The following ASTL variants were observed in gnomAD, a reference collection of about 807,000 sequenced individuals.
ASTL encodes the protein astacin like metalloendopeptidase.
ASTL carries 27 observed loss-of-function variants against 36.7 expected under a neutral mutation model. The observed-to-expected ratio is 0.73, with a 90% CI of 0.54 to 1.01. The LOEUF (loss-of-function observed/expected upper bound fraction) is 1.01. Among genes scored for constraint, ASTL ranks in the 50% least tolerant of loss-of-function variants. ASTL has a pLI of 0.00. For missense variants in ASTL, 524 were observed against 572.8 expected (o/e 0.91, Z 0.87); for synonymous variants, 222 against 228.1 (o/e 0.97, Z 0.24).
intron 2 of ASTL, among the ~76,000 whole-genome samples, chr2:96,135,840 C>G (rs1342037980): frequency 6.6e-6 from 1 of 152,168 alleles, no homozygotes; most frequent in Non-Finnish European, 1.5e-5. Context: ...CAGCCCATGA[C>G]CCACGCAATC....
chr2:96,130,017 C>T (rs372811446), intron 7 of ASTL, 39 bp from the exon 8 acceptor site: 347 of 1,613,102 alleles, frequency 2.2e-4, no homozygotes, highest in Non-Finnish European at 2.8e-4. Flanking sequence ...CAGATCACCA[C>T]GGGAGAGGCT....
chr2:96,126,358 C>T (rs1304989843), intron 8 of ASTL, among the ~76,000 whole-genome samples: 1 of 152,204 alleles, frequency 6.6e-6, no homozygotes, highest in Non-Finnish European at 1.5e-5. Context: ...AGGATATGAA[C>T]ATTCTCCAAA....
Position 96,127,839 on chromosome 2 carries a change from G to A in ASTL, c.874+1985C>T, listed in dbSNP as rs141539731. On this transcript the variant is annotated intron_variant, in intron 8 of 8. Coordinates refer to ENST00000342380, the MANE Select transcript of ASTL (RefSeq NM_001002036.4). ...GATCCACCCACCTCAGCCTCCCAAA[G>A]TGCTGTGATTACAGGCATGAGCCAT... Among the ~76,000 whole-genome samples the A allele has an allele frequency of 9.4e-3, 1,425 of 152,212 alleles. 11 individuals are homozygous for A. Among genetic ancestry groups the A allele is most frequent in the Admixed American group, 0.019 (285 of 15,292 alleles).
intron 2 of ASTL, among the ~76,000 whole-genome samples, chr2:96,136,136 G>GAGGGAAGCAGGAGAGAAGGC (rs1427630931): frequency 6.6e-6 from 1 of 152,234 alleles, no homozygotes; most frequent in Non-Finnish European, 1.5e-5. Context: ...CAGGGGGAGT[G>GAGGGAAGCAGGAGAGAAGGC]AGGGAAGCAG....
rs1212294655 is a variant in ASTL, at chr2:96,130,103, A to G, written c.680T>C (p.Leu227Pro). 6.2e-7 allele frequency: 1 copy of G among 1,614,094 alleles called. No homozygotes were observed. The highest frequency in any genetic ancestry group is 8.5e-7 in the Non-Finnish European group (1 of 1,180,014). ...NFIKSQSSNM[L>P]TPYDYSSVMH... is the part of the protein sequence containing the mutation. ...CACAGAGGAGTAGTCATAGGGCGTCAGCATGTTGCTGCTCTGAGACTTGAT... is the reference window on the plus strand; with the variant it reads ...CACAGAGGAGTAGTCATAGGGCGTCGGCATGTTGCTGCTCTGAGACTTGAT... The change falls in exon 7 of 9, where the codon CTG becomes CCG. Residue 227 changes from leucine (L) to proline (P), a missense_variant. By Grantham distance (98) the Leu-to-Pro change is moderately conservative. Transcript: ENST00000342380.
Position 96,130,135 on chromosome 2 carries a change from G to T in ASTL, c.648C>A (p.Ile216=). The T allele has an allele frequency of 6.2e-7, 1 of 1,613,198 alleles. No homozygotes were observed. Among genetic ancestry groups the T allele is most frequent in the African/African-American group, 1.3e-5 (1 of 75,014 alleles). ...TGCTGCTCTGAGACTTGATGAAGTT[G>T]ATTTCAAAGCCTAAAAATACAAAAA... The part of the protein sequence containing the change: ...NWNEILPGFE[I]NFIKSQSSNM... Residue 216 remains isoleucine (I), a synonymous_variant, in exon 7 of 9, where the codon ATC becomes ATA. Coordinates refer to ENST00000342380, the MANE Select transcript of ASTL (RefSeq NM_001002036.4).
intron 3 of ASTL, 68 bp from the exon 4 acceptor site, chr2:96,134,126 C>A: frequency 1.9e-6 from 2 of 1,063,810 alleles, no homozygotes; most frequent in South Asian, 1.3e-5. Flanking sequence ...CCAAGGGTAC[C>A]ACACCCCAGG....
In ASTL at chr2:96,132,573, A is replaced by AGCG; in HGVS notation, c.601_603dup (p.Arg201dup). ...ATCTCGTTCCAGTTGACACGGATAT[A>AGCG]GCGGTCCCGGTCGGCCCGCGTGTGC... On this transcript the variant is annotated inframe_insertion, in exon 6 of 9. Coordinates refer to ENST00000342380, the MANE Select transcript of ASTL (RefSeq NM_001002036.4). The surrounding 1 kb of genome is among the most constrained non-coding windows in gnomAD (Gnocchi z 5.4). 3.1e-6 allele frequency: 5 copies of AGCG among 1,610,420 alleles called. No individual in the cohort carries two copies. Among genetic ancestry groups the AGCG allele is most frequent in the Non-Finnish European group, 3.4e-6 (4 of 1,177,356 alleles).
In ASTL at chr2:96,132,430, C is replaced by A; in HGVS notation, c.637+110G>T. On this transcript the variant is annotated intron_variant, in intron 6 of 8. Transcript: ENST00000342380. This position sits in a 1 kb window ranked among gnomAD's most constrained non-coding sequence, Gnocchi z 5.4. ...CCCCACCTTCCCCACAGGAAGCAGG[C>A]AGGTGATGGGGAGGATGGATAGCCT... 1 of 959,212 alleles carries A rather than the reference C, an allele frequency of 1.0e-6. No individual in the cohort carries two copies. The highest frequency in any genetic ancestry group is 1.5e-6 in the Non-Finnish European group (1 of 660,034). 59.4% of individuals were successfully genotyped at this position (959,212 alleles called of 1,614,324 possible).
chr2:96,132,089 C>T lies in ASTL; in HGVS notation c.637+451G>A. On this transcript the variant is annotated intron_variant, in intron 6 of 8. Coordinates refer to ENST00000342380, the MANE Select transcript of ASTL (RefSeq NM_001002036.4). The surrounding 1 kb of genome is among the most constrained non-coding windows in gnomAD (Gnocchi z 5.4). The stretch of plus-strand genomic sequence containing the variant: ...CCACAGTGCTGCCCTCAGCCCGTGG[C>T]CCAGCACTTGGCTTGTGCAGCCTGC... Among the ~76,000 whole-genome samples, 1 of 152,244 alleles carries T rather than the reference C, an allele frequency of 6.6e-6. No individual in the cohort carries two copies. The highest frequency in any genetic ancestry group is 1.9e-4 in the East Asian group (1 of 5,200).
chr2:96,125,311 C>T (rs925931247), intron 8 of ASTL, among the ~76,000 whole-genome samples: 35 of 152,292 alleles, frequency 2.3e-4, no homozygotes, highest in African/African-American at 7.5e-4. Context: ...CCTTTGTTTC[C>T]ATCCCCTTCT....
chr2:96,136,691 T>C (rs547865416), intron 2 of ASTL, among the ~76,000 whole-genome samples: 38 of 152,276 alleles, frequency 2.5e-4, no homozygotes, highest in African/African-American at 7.9e-4. Context: ...TAGGGCAAGG[T>C]TGTCCCCTGT....
chr2:96,125,174 C>G (rs1451526968), intron 8 of ASTL, among the ~76,000 whole-genome samples: 1 of 152,208 alleles, frequency 6.6e-6, no homozygotes, highest in Non-Finnish European at 1.5e-5. Context: ...GGCAGTCACC[C>G]CTCGGAGGTA....
chr2:96,137,828 G>T, intron 1 of ASTL, 128 bp from the exon 2 acceptor site: 1 of 972,944 alleles, frequency 1.0e-6, no homozygotes, highest in Non-Finnish European at 1.5e-6. Flanking sequence ...GTAGGCTCCA[G>T]CACAAAGCCA....
chr2:96,124,691 A>G lies in ASTL; in HGVS notation c.875-420T>C, dbSNP rs1034323917. Among the ~76,000 whole-genome samples, 42 of 152,080 alleles carry G rather than the reference A, an allele frequency of 2.8e-4. No homozygotes were observed. The highest frequency in any genetic ancestry group is 9.7e-4 in the African/African-American group (40 of 41,396). On this transcript the variant is annotated intron_variant, in intron 8 of 8. Coordinates refer to ENST00000342380, the MANE Select transcript of ASTL (RefSeq NM_001002036.4). The surrounding 1 kb of genome is among the most constrained non-coding windows in gnomAD (Gnocchi z 4.1). The stretch of plus-strand genomic sequence containing the variant: ...CTTAATGGCCACATCTAAACCCTGC[A>G]CCGTGCCAGGAGGTAGGTTGGGGCT...
intron 6 of ASTL, 75 bp from the exon 7 acceptor site, chr2:96,130,220 G>A: frequency 8.5e-7 from 1 of 1,176,250 alleles, no homozygotes; most frequent in Non-Finnish European, 1.3e-6. Context: ...ATGGCTGGGA[G>A]AGTCTTCTGG....
chr2:96,127,057 A>G (rs1682079320), intron 8 of ASTL, among the ~76,000 whole-genome samples: 1 of 152,246 alleles, frequency 6.6e-6, no homozygotes, highest in South Asian at 2.1e-4. Flanking sequence ...ATATCTATCC[A>G]ACGGAATGTT....
intron 1 of ASTL, among the ~76,000 whole-genome samples, chr2:96,137,974 G>A (rs375731931): frequency 6.6e-6 from 1 of 152,160 alleles, no homozygotes; most frequent in Admixed American, 6.5e-5. Context: ...AGGAAGGAAG[G>A]AGGCAGGACA....
In ASTL at chr2:96,132,872, C is replaced by T; in HGVS notation, c.456-151G>A. On this transcript the variant is annotated intron_variant, in intron 5 of 8. Coordinates refer to ENST00000342380, the MANE Select transcript of ASTL (RefSeq NM_001002036.4). This position sits in a 1 kb window ranked among gnomAD's most constrained non-coding sequence, Gnocchi z 5.4. ...GCTCTAGTCTCAGGTTCACCATTCT[C>T]CAGGCCCCTTTACTGCCTGGACTTC... 1.4e-6 allele frequency: 1 copy of T among 699,706 alleles called. No homozygotes were observed. Among genetic ancestry groups the T allele is most frequent in the Non-Finnish European group, 2.3e-6 (1 of 441,108 alleles). 43.3% of individuals were successfully genotyped at this position (699,706 alleles called of 1,614,324 possible). A position where few individuals can be genotyped will look rare whatever the true frequency, so the allele number is the denominator to read the frequency against.
Sources: allele counts gnomAD v4.1 joint callset (sites outside exome capture counted in the v4.1 genomes callset), GRCh38; gene constraint gnomAD v4.1.1; non-coding constraint Gnocchi (gnomAD v3.1); transcripts MANE v1.5; gene names NCBI Gene and HGNC (gene_info 2026-07-23, HGNC 2026-07-21).